LRFN2: variants seen among roughly 807,000 people sequenced by gnomAD.
LRFN2 encodes the protein leucine-rich repeat and fibronectin type-III domain-containing protein 2.
Under a neutral mutation model 37.3 loss-of-function variants are expected in LRFN2, and 18 were observed. The observed-to-expected ratio is 0.48, with a 90% confidence interval of 0.33 to 0.72. The LOEUF is 0.72. Among genes scored for constraint, LRFN2 ranks in the 30% least tolerant of loss-of-function variants. The pLI, the probability that LRFN2 is intolerant of heterozygous loss-of-function variation, is 0.02. For synonymous variants in LRFN2, 556 were observed against 466.6 expected, an observed-to-expected ratio of 1.19 and a Z score of -2.47; for missense variants, 1,006 against 1,060.7, an observed-to-expected ratio of 0.95 and a Z score of 0.72.
chr6:40,411,689 C>T (rs1762970638), intron 2 of LRFN2, among the ~76,000 whole-genome samples: 1 of 152,018 alleles, frequency 6.6e-6, no homozygotes, highest in South Asian at 2.1e-4. Context: ...TCCCACAGAC[C>T]TCAGTCCAGC....
chr6:40,567,191 G>A (rs1294142504), intron 1 of LRFN2, among the ~76,000 whole-genome samples: 2 of 152,170 alleles, frequency 1.3e-5, no homozygotes, highest in Non-Finnish European at 1.5e-5. Flanking sequence ...CTAGCTTCCT[G>A]GAGAAAAGGG....
intron 2 of LRFN2, among the ~76,000 whole-genome samples, chr6:40,394,947 T>G (rs920022022): frequency 2.3e-5 from 3 of 129,684 alleles, no homozygotes; most frequent in Non-Finnish European, 4.7e-5. Context: ...TTAAACTTTT[T>G]CTTTTCCTTT....
chr6:40,541,473 G>A (rs1766554176), intron 1 of LRFN2, among the ~76,000 whole-genome samples: 1 of 152,126 alleles, frequency 6.6e-6, no homozygotes. Flanking sequence ...ATTCCCAGGT[G>A]TCCCTAAGAG....
chr6:40,454,167 T>C (rs1220921076), intron 1 of LRFN2, among the ~76,000 whole-genome samples: 2 of 152,220 alleles, frequency 1.3e-5, no homozygotes, highest in Admixed American at 1.3e-4. Context: ...TTTCATTTTT[T>C]CCCAAGAGTT....
chr6:40,461,647 C>T (rs1043842711), intron 1 of LRFN2, among the ~76,000 whole-genome samples: 7 of 143,260 alleles, frequency 4.9e-5, no homozygotes, highest in East Asian at 2.0e-4. Context: ...AGACAGAATA[C>T]ACGAGATAAA....
At chr6:40,547,933 TCTTTTAATATA>T (rs1396119800) in intron 1 of LRFN2, among the ~76,000 whole-genome samples, 1 of 152,180 alleles carries the variant, frequency 6.6e-6, no homozygotes. Context: ...GTAAATAGTT[TCTTTTAATATA>T]ACTCATTTGA....
At chr6:40,454,540 G>A (rs1764194714) in intron 1 of LRFN2, among the ~76,000 whole-genome samples, 1 of 152,156 alleles carries the variant, frequency 6.6e-6, no homozygotes, top group African/African-American at 2.4e-5. Context: ...GCAGAAGGAG[G>A]TCATTGTACC....
intron 1 of LRFN2, among the ~76,000 whole-genome samples, chr6:40,486,785 G>A (rs903607916): frequency 6.6e-5 from 10 of 152,194 alleles, no homozygotes; most frequent in Non-Finnish European, 1.5e-4. Flanking sequence ...AGTGGGCAGA[G>A]AAGTGACAGA....
Position 40,433,729 on chromosome 6 carries a change from G to C in LRFN2, c.-18-598C>G, listed in dbSNP as rs1210639110. Among the ~76,000 whole-genome samples, 4 of 152,188 alleles carry C rather than the reference G, an allele frequency of 2.6e-5. No homozygotes were observed. The East Asian group carries it at 7.7e-4, about 29-fold the overall frequency. On this transcript the variant is annotated intron_variant, in intron 1 of 2. Transcript: ENST00000338305. ...GAGAGTTGGTGCTGAGAGACTCCAA[G>C]GTCAGTGGGGAACTGTTTCACCAAG...
At chr6:40,463,381 C>G (rs918419527) in intron 1 of LRFN2, among the ~76,000 whole-genome samples, 1 of 152,154 alleles carries the variant, frequency 6.6e-6, no homozygotes, top group African/African-American at 2.4e-5. Context: ...ATCTCCCCTG[C>G]TCCTAGTTTC....
At chr6:40,535,869 A>G (rs1766439300) in intron 1 of LRFN2, among the ~76,000 whole-genome samples, 1 of 152,086 alleles carries the variant, frequency 6.6e-6, no homozygotes, top group African/African-American at 2.4e-5. Context: ...CAATGCAGAG[A>G]AAAAATAATT....
intron 1 of LRFN2, among the ~76,000 whole-genome samples, chr6:40,437,039 C>G (rs1000960419): frequency 6.6e-6 from 1 of 151,946 alleles, no homozygotes. Context: ...TTCTATGGCC[C>G]CATGAGAAAG....
At chr6:40,565,485 T>C (rs1311769570) in intron 1 of LRFN2, among the ~76,000 whole-genome samples, 2 of 152,146 alleles carry the variant, frequency 1.3e-5, no homozygotes, top group Non-Finnish European at 2.9e-5. Context: ...CTTCAAACTA[T>C]ACTACAAGGC....
chr6:40,394,810 G>C (rs1273928592), intron 2 of LRFN2, among the ~76,000 whole-genome samples: 1 of 152,124 alleles, frequency 6.6e-6, no homozygotes, highest in East Asian at 1.9e-4. Context: ...CATGAGATCT[G>C]ATGGTTTTAT....
At chr6:40,566,320 G>A (rs10456492) in intron 1 of LRFN2, among the ~76,000 whole-genome samples, 62,501 of 151,998 alleles carry the variant, frequency 0.41, 13,202 homozygotes, top group Middle Eastern at 0.56. Flanking sequence ...GTGGAAGTCC[G>A]TGTGGCGATT....
At chr6:40,457,921 G>C (rs746191417) in intron 1 of LRFN2, among the ~76,000 whole-genome samples, 32 of 152,270 alleles carry the variant, frequency 2.1e-4, no homozygotes, top group Admixed American at 3.3e-4. Context: ...CCTGCCATGA[G>C]GGTCAAGGGG....
intron 1 of LRFN2, among the ~76,000 whole-genome samples, chr6:40,460,899 T>C (rs1764332836): frequency 6.6e-6 from 1 of 152,182 alleles, no homozygotes; most frequent in Non-Finnish European, 1.5e-5. Context: ...TATATGCTTG[T>C]TCCCTATGCC....
chr6:40,396,809 C>A (rs183832039), intron 2 of LRFN2, among the ~76,000 whole-genome samples: 109 of 151,962 alleles, frequency 7.2e-4, no homozygotes, highest in Non-Finnish European at 1.2e-3. Context: ...CCAGAGCCAG[C>A]TAACTCAAAA....
At chr6:40,508,417 T>G (rs1765602484) in intron 1 of LRFN2, among the ~76,000 whole-genome samples, 1 of 152,106 alleles carries the variant, frequency 6.6e-6, no homozygotes, top group Admixed American at 6.5e-5. Context: ...AGATGGGGGT[T>G]TCTGGAGGGG....
Sources: gnomAD v4.1 joint callset for allele counts (sites outside exome capture counted in the v4.1 genomes callset) on GRCh38, gnomAD v4.1.1 for gene constraint, MANE v1.5 for transcripts, NCBI Gene and HGNC (gene_info 2026-07-23, HGNC 2026-07-21) for gene names.